The following GABRB1 variants were observed in gnomAD, a reference collection of about 807,000 sequenced individuals.
GABRB1 encodes gamma-aminobutyric acid type A receptor subunit beta1.
A neutral mutation model predicts 51.6 loss-of-function variants in GABRB1; 17 were observed. The ratio of observed to expected loss-of-function variants is 0.33; its 90% CI spans 0.23 to 0.49. GABRB1 has a LOEUF of 0.49. GABRB1 is among the 20% of genes least tolerant of loss of function. GABRB1 has a pLI of 0.99. For synonymous variants in GABRB1, 247 were observed against 218.9 expected, an observed-to-expected ratio of 1.13 and a Z score of -1.14; for missense variants, 410 against 600.6, an observed-to-expected ratio of 0.68 and a Z score of 3.32.
chr4:47,201,844 C>G (rs768895773), intron 4 of GABRB1, among the ~76,000 whole-genome samples: 1 of 152,124 alleles, frequency 6.6e-6, no homozygotes, highest in Non-Finnish European at 1.5e-5. Flanking sequence ...AGATGTCTGT[C>G]CCGTCTGTTC....
intron 3 of GABRB1, among the ~76,000 whole-genome samples, chr4:47,099,034 A>G (rs977970310): frequency 6.6e-6 from 1 of 152,248 alleles, no homozygotes; most frequent in Non-Finnish European, 1.5e-5. Flanking sequence ...TCTGACTTCT[A>G]GGGTAATACA....
chr4:47,041,147 A>G (rs1725820368), intron 3 of GABRB1, among the ~76,000 whole-genome samples: 1 of 152,140 alleles, frequency 6.6e-6, no homozygotes, highest in South Asian at 2.1e-4. Context: ...CGGATATAAC[A>G]GGCAGGGCAA....
chr4:47,329,525 T>C, intron 5 of GABRB1, among the ~76,000 whole-genome samples: 1 of 148,700 alleles, frequency 6.7e-6, no homozygotes, highest in East Asian at 1.9e-4. Flanking sequence ...TTTAGAAATG[T>C]ATACATTTAG....
intron 8 of GABRB1, among the ~76,000 whole-genome samples, chr4:47,410,877 A>G (rs928903201): frequency 6.6e-6 from 1 of 152,218 alleles, no homozygotes; most frequent in African/African-American, 2.4e-5. Flanking sequence ...AGAATAAGGG[A>G]TTCCCCTTGG....
In GABRB1 at chr4:47,420,969, CACACACACAG is replaced by C. The variant is rs1383884314; in HGVS notation, c.1081-4703_1081-4694del. On this transcript the variant is annotated intron_variant, in intron 8 of 8. Transcript: ENST00000295454. ...ACACACACACACACACACACACACA[CACACACACAG>C]AGTCTGTTAACATCAGCCTTTAGGA... Among the ~76,000 whole-genome samples, 24 of 149,282 alleles carry C rather than the reference CACACACACAG, an allele frequency of 1.6e-4. 1 individual carries two copies. The highest frequency in any genetic ancestry group is 4.1e-4 in the African/African-American group (16 of 39,272).
At chr4:47,036,747 A>G (rs1353789086) in intron 3 of GABRB1, among the ~76,000 whole-genome samples, 1 of 152,092 alleles carries the variant, frequency 6.6e-6, no homozygotes, top group African/African-American at 2.4e-5. Flanking sequence ...CTATAGTTCC[A>G]GCTACTCTGG....
intron 4 of GABRB1, among the ~76,000 whole-genome samples, chr4:47,226,114 C>A (rs184802592): frequency 4.6e-5 from 7 of 152,164 alleles, no homozygotes; most frequent in African/African-American, 1.7e-4. Context: ...CAGTGAGTAG[C>A]AAAGCCAGAA....
intron 8 of GABRB1, among the ~76,000 whole-genome samples, chr4:47,423,834 T>C (rs1236209252): frequency 1.3e-5 from 2 of 152,232 alleles, no homozygotes; most frequent in Non-Finnish European, 2.9e-5. Context: ...TAGGATAACA[T>C]ATATGTCTTA....
chr4:47,296,348 T>G (rs1173711846), intron 4 of GABRB1, among the ~76,000 whole-genome samples: 9 of 152,206 alleles, frequency 5.9e-5, no homozygotes, highest in Non-Finnish European at 1.3e-4. Flanking sequence ...ATCAGTGTGC[T>G]GTATTCAGGA....
intron 3 of GABRB1, among the ~76,000 whole-genome samples, chr4:47,074,661 A>G (rs1727474868): frequency 2.6e-5 from 4 of 152,196 alleles, no homozygotes; most frequent in Admixed American, 2.6e-4. Context: ...AACATGCTAA[A>G]AGGGTTCAGA....
chr4:47,250,424 G>A (rs1402173309), intron 4 of GABRB1, among the ~76,000 whole-genome samples: 4 of 152,158 alleles, frequency 2.6e-5, no homozygotes, highest in African/African-American at 9.7e-5. Context: ...TGATGACAAT[G>A]TGCCTAGGCA....
Position 47,241,139 on chromosome 4 carries a change from A to T in GABRB1, c.462-78988A>T, listed in dbSNP as rs928304710. 9.2e-5 allele frequency among the ~76,000 whole-genome samples: 14 copies of T among 152,332 alleles called. 1 individual carries two copies. The highest frequency in any genetic ancestry group is 7.2e-4 in the Admixed American group (11 of 15,290). ...TCTACAGCATCATTTATAGTTTTAC[A>T]GGTTATTTTTCCAGTAAAAAAAATA... On this transcript the variant is annotated intron_variant, in intron 4 of 8. Coordinates refer to ENST00000295454, the MANE Select transcript of GABRB1 (RefSeq NM_000812.4).
At chr4:47,354,226 C>A (rs1424345059) in intron 5 of GABRB1, among the ~76,000 whole-genome samples, 1 of 152,162 alleles carries the variant, frequency 6.6e-6, no homozygotes, top group Admixed American at 6.5e-5. Flanking sequence ...CATTCATGAC[C>A]AGTTGGTGAG....
In GABRB1 at chr4:47,365,942, A is replaced by C. The variant is rs138666188; in HGVS notation, c.545-37376A>C. ...TTACCTTGTTGCTTTCTCTTAGCCC[A>C]GTCCTGAGAGTTGTAAATAGCCCTT... On this transcript the variant is annotated intron_variant, in intron 5 of 8. Coordinates refer to ENST00000295454, the MANE Select transcript of GABRB1 (RefSeq NM_000812.4). Among the ~76,000 whole-genome samples, 1,396 of 152,306 alleles carry C rather than the reference A, an allele frequency of 9.2e-3. 20 individuals are homozygous for C. The highest frequency in any genetic ancestry group is 0.032 in the African/African-American group (1,340 of 41,566).
intron 5 of GABRB1, among the ~76,000 whole-genome samples, chr4:47,337,748 T>C (rs1027078506): frequency 6.7e-6 from 1 of 148,518 alleles, no homozygotes; most frequent in African/African-American, 2.5e-5. Flanking sequence ...CAGCAAAGGT[T>C]TCAGTGAGCC....
intron 5 of GABRB1, among the ~76,000 whole-genome samples, chr4:47,402,340 C>A (rs1264026257): frequency 6.6e-6 from 1 of 152,104 alleles, no homozygotes; most frequent in Non-Finnish European, 1.5e-5. Flanking sequence ...CTAGCCCCTG[C>A]AATTCTAATG....
chr4:47,006,691 T>A (rs1724410195), intron 1 of GABRB1, among the ~76,000 whole-genome samples: 2 of 152,202 alleles, frequency 1.3e-5, no homozygotes, highest in Admixed American at 1.3e-4. Context: ...TTGGCTTTTC[T>A]TGTAACACAA....
intron 3 of GABRB1, among the ~76,000 whole-genome samples, chr4:47,134,728 A>G (rs1470311808): frequency 6.6e-6 from 1 of 152,184 alleles, no homozygotes; most frequent in Non-Finnish European, 1.5e-5. Flanking sequence ...TTCTAAATGT[A>G]TAGTACAGTA....
chr4:47,355,461 G>C (rs1318369154), intron 5 of GABRB1, among the ~76,000 whole-genome samples: 2 of 152,084 alleles, frequency 1.3e-5, no homozygotes, highest in Non-Finnish European at 2.9e-5. Flanking sequence ...AGAATGAAGG[G>C]ACTCAGTTTT....
Sources: allele counts gnomAD v4.1 joint callset (sites outside exome capture counted in the v4.1 genomes callset), GRCh38; gene constraint gnomAD v4.1.1; transcripts MANE v1.5; gene names NCBI Gene and HGNC (gene_info 2026-07-23, HGNC 2026-07-21).